Variants in PTPRF observed in about 807,000 individuals in gnomAD.
The protein encoded by PTPRF is protein tyrosine phosphatase receptor type F.
Under a neutral mutation model 201.8 loss-of-function variants are expected in PTPRF, and 59 were observed. The ratio of observed to expected loss-of-function variants is 0.29; its 90% CI spans 0.24 to 0.36. PTPRF has a LOEUF of 0.36. PTPRF is among the 10% of genes least tolerant of loss of function. PTPRF has a pLI of 1.00. For missense variants in PTPRF, 2,132 were observed against 2,690.5 expected, an observed-to-expected ratio of 0.79 and a Z score of 4.59; for synonymous variants, 1,088 against 1,089.7, an observed-to-expected ratio of 1.00 and a Z score of 0.03.
intron 1 of PTPRF, among the ~76,000 whole-genome samples, chr1:43,531,677 C>A (rs904234021): frequency 6.6e-6 from 1 of 151,608 alleles, no homozygotes; most frequent in Non-Finnish European, 1.5e-5. Context: ...AGCCCCCCCA[C>A]CCCCTTCGTT....
intron 2 of PTPRF, among the ~76,000 whole-genome samples, chr1:43,543,170 G>C (rs888287435): frequency 2.0e-5 from 3 of 152,328 alleles, no homozygotes; most frequent in African/African-American, 7.2e-5. Context: ...TAGGATACCA[G>C]ATGTGTCCAC....
chr1:43,525,025 A>G (rs1032739476), upstream of PTPRF, among the ~76,000 whole-genome samples: 10 of 152,212 alleles, frequency 6.6e-5, no homozygotes, highest in Non-Finnish European at 1.5e-4. Context: ...GGCAGACAGG[A>G]GGGCTCACTT....
chr1:43,539,676 G>T (rs563389939), intron 2 of PTPRF, among the ~76,000 whole-genome samples: 1 of 152,276 alleles, frequency 6.6e-6, no homozygotes, highest in Non-Finnish European at 1.5e-5. Context: ...GGGGAGGGTG[G>T]GTGTAGGGAC....
At chr1:43,609,300 G>T in intron 21 of PTPRF, 83 bp from the exon 22 acceptor site, 1 of 1,106,170 alleles carries the variant, frequency 9.0e-7, no homozygotes, top group Non-Finnish European at 1.3e-6. Flanking sequence ...GGACATGGGG[G>T]CTCCTTGGCA....
intron 5 of PTPRF, among the ~76,000 whole-genome samples, chr1:43,566,790 G>A (rs577931789): frequency 6.6e-6 from 1 of 152,286 alleles, no homozygotes; most frequent in African/African-American, 2.4e-5. Flanking sequence ...CTGCCTAGAA[G>A]CCTAGTTGGC....
intron 23 of PTPRF, among the ~76,000 whole-genome samples, chr1:43,614,252 C>T (rs769404977): frequency 1.3e-5 from 2 of 152,218 alleles, no homozygotes; most frequent in Non-Finnish European, 1.5e-5. Flanking sequence ...GTAGTGGAGC[C>T]AGGATTCAAA....
chr1:43,615,698 C>G (rs1402874055), intron 23 of PTPRF, among the ~76,000 whole-genome samples: 4 of 151,762 alleles, frequency 2.6e-5, no homozygotes, highest in Non-Finnish European at 5.9e-5. Flanking sequence ...TCCCGAGTAG[C>G]TGGGACTACA....
intron 16 of PTPRF, 68 bp downstream of exon 16, chr1:43,604,257 G>A (rs996630587): frequency 7.3e-6 from 11 of 1,513,350 alleles, no homozygotes; most frequent in Middle Eastern, 1.8e-4. Flanking sequence ...CTCTCCTTGA[G>A]CCACTGACCT....
intron 22 of PTPRF, 113 bp from the exon 23 acceptor site, chr1:43,613,505 A>T: frequency 1.1e-6 from 1 of 872,200 alleles, no homozygotes; most frequent in Non-Finnish European, 1.9e-6. Flanking sequence ...ACCAGTTCCA[A>T]GTGCTCCATG....
At chr1:43,550,117 C>G (rs963790655) in intron 3 of PTPRF, among the ~76,000 whole-genome samples, 1 of 151,880 alleles carries the variant, frequency 6.6e-6, no homozygotes, top group Non-Finnish European at 1.5e-5. Context: ...TGTCTGGTCC[C>G]CCGGGCTGCC....
At chr1:43,595,433 G>C (rs1652013359) in intron 11 of PTPRF, among the ~76,000 whole-genome samples, 1 of 152,080 alleles carries the variant, frequency 6.6e-6, no homozygotes, top group South Asian at 2.1e-4. Context: ...TGTTAGCCAG[G>C]GTGGTCTGGA....
rs1650665593 is a variant in PTPRF at position 43,591,346 on chromosome 1, G to A, written c.1324G>A (p.Gly442Ser). Reference protein sequence around the residue: ...VQWEPPEEPNGLVRGYRVYYT... With the variant: ...VQWEPPEEPNSLVRGYRVYYT... ...GTGGGAGCCTCCCGAGGAGCCCAAC[G>A]GCCTGGTGCGGGGATACCGCGTCTA... Residue 442 changes from glycine (G) to serine (S), a missense_variant, in exon 9 of 34, where the codon GGC (glycine) becomes AGC (serine). By Grantham distance (56) the Gly-to-Ser change is moderately conservative. Transcript: ENST00000359947. 6.4e-7 allele frequency: 1 copy of A among 1,552,474 alleles called. No homozygotes were observed.
rs1006729195 is a variant in PTPRF, at chr1:43,569,229, C to G, written c.380-361C>G. Among the ~76,000 whole-genome samples, 8 of 143,162 alleles carry G rather than the reference C, an allele frequency of 5.6e-5. No individual in the cohort carries two copies. In the East Asian group the frequency reaches 1.9e-3, roughly 34 times the overall value. 93.9% of individuals were successfully genotyped at this position (143,162 alleles called of 152,430 possible). ...GCGAGCTCCCTGCTAGCCCCCCCCC[C>G]CACCCCCTGCAGCCCCAGCATTCAT... On this transcript the variant is annotated intron_variant, in intron 5 of 33. Coordinates refer to ENST00000359947, the MANE Select transcript of PTPRF (RefSeq NM_002840.5).
intron 22 of PTPRF, chr1:43,612,736 T>G (rs1301064860): frequency 7.4e-7 from 1 of 1,359,576 alleles, no homozygotes; most frequent in Non-Finnish European, 9.8e-7. Context: ...CCGTTGTTTT[T>G]TTCGTTTGTT....
Position 43,603,927 on chromosome 1 carries a change from A to G in PTPRF, c.2775A>G (p.Thr925=). The G allele has an allele frequency of 1.9e-6, 3 of 1,614,114 alleles. No homozygotes were observed. Among genetic ancestry groups the G allele is most frequent in the Non-Finnish European group, 2.5e-6 (3 of 1,180,040 alleles). ...PSGFPQNLHV[T]GLTTSTTELA... ...GCTTCCCCCAAAACCTGCATGTGAC[A>G]GGACTGACCACGTCTACCACAGAAC... The change falls in exon 16 of 34, where the codon ACA becomes ACG. Residue 925 remains threonine, a synonymous_variant. Coordinates refer to ENST00000359947, the MANE Select transcript of PTPRF (RefSeq NM_002840.5). The surrounding 1 kb of genome is among the most constrained non-coding windows in gnomAD (Gnocchi z 5.8).
Position 43,545,067 on chromosome 1 carries a change from G to C in PTPRF, c.-9G>C, listed in dbSNP as rs2153964414. ...TGGGCTGTGGCTGGCTGTGGAGCTA[G>C]AGCCCTGGATGGCCCCTGAGCCAGC... On this transcript the variant is annotated 5_prime_UTR_variant, in exon 3 of 34. Coordinates refer to ENST00000359947, the MANE Select transcript of PTPRF (RefSeq NM_002840.5). The C allele has an allele frequency of 6.4e-7, 1 of 1,566,644 alleles. No individual in the cohort carries two copies. Among genetic ancestry groups the C allele is most frequent in the African/African-American group, 1.4e-5 (1 of 73,820 alleles).
At chr1:43,532,371 G>A (rs1357138733) in intron 1 of PTPRF, among the ~76,000 whole-genome samples, 4 of 152,236 alleles carry the variant, frequency 2.6e-5, no homozygotes, top group African/African-American at 9.6e-5. Context: ...CCAGCCTGGG[G>A]GTTGTCTGGA....
chr1:43,592,681 C>T (rs1438921285), intron 11 of PTPRF, 80 bp downstream of exon 11: 39 of 1,416,490 alleles, frequency 2.8e-5, no homozygotes, highest in East Asian at 5.3e-5. Context: ...CCTTCCCCCT[C>T]GACCAGGCAG....
At chr1:43,547,038 T>A (rs1644724616) in intron 3 of PTPRF, among the ~76,000 whole-genome samples, 1 of 152,154 alleles carries the variant, frequency 6.6e-6, no homozygotes, top group Non-Finnish European at 1.5e-5. Flanking sequence ...GGTAGAGTCG[T>A]GTCACAAGGT....
Sources: gnomAD v4.1 joint callset for allele counts (sites outside exome capture counted in the v4.1 genomes callset) on GRCh38, gnomAD v4.1.1 for gene constraint, Gnocchi (gnomAD v3.1) non-coding constraint, MANE v1.5 for transcripts, NCBI Gene and HGNC (gene_info 2026-07-23, HGNC 2026-07-21) for gene names.